NLGN1: variants seen among roughly 807,000 people sequenced by gnomAD.
NLGN1 encodes neuroligin-1.
Under a neutral mutation model 65.5 loss-of-function variants are expected in NLGN1, and 12 were observed. The ratio of observed to expected loss-of-function variants is 0.18; its 90% CI spans 0.12 to 0.30. NLGN1 has a LOEUF of 0.30. Among genes scored for constraint, NLGN1 ranks in the 10% least tolerant of loss-of-function variants. The probability of loss-of-function intolerance (pLI) is 1.00; values close to 1 mark genes in which losing one functional copy is unlikely to be tolerated. For synonymous variants in NLGN1, 350 were observed against 359.5 expected (o/e 0.97, Z 0.30); for missense variants, 750 against 1,007.1 (o/e 0.74, Z 3.46).
At chr3:173,519,323 C>T (rs965068504) in intron 2 of NLGN1, among the ~76,000 whole-genome samples, 1 of 152,202 alleles carries the variant, frequency 6.6e-6, no homozygotes. Context: ...CATTGGGACA[C>T]TGCCTAAGGG....
intron 4 of NLGN1, among the ~76,000 whole-genome samples, chr3:173,993,967 T>G (rs907720924): frequency 6.6e-6 from 1 of 152,000 alleles, no homozygotes; most frequent in Non-Finnish European, 1.5e-5. Flanking sequence ...GAACCCAATT[T>G]AAGGCAAATT....
chr3:173,709,194 A>G (rs534821497), intron 3 of NLGN1, among the ~76,000 whole-genome samples: 65 of 152,320 alleles, frequency 4.3e-4, no homozygotes, highest in Middle Eastern at 3.4e-3. Flanking sequence ...CGCTGTATCT[A>G]TCATGAGTCA....
At chr3:174,289,966 T>TATAC (rs1271822165), downstream of NLGN1, among the ~76,000 whole-genome samples, 1 of 109,320 alleles carries the variant, frequency 9.1e-6, no homozygotes. Flanking sequence ...TATATATATA[T>TATAC]ATGTATATAT....
chr3:173,818,953 C>G (rs139555565), intron 4 of NLGN1, among the ~76,000 whole-genome samples: 1 of 125,674 alleles, frequency 8.0e-6, no homozygotes, highest in Non-Finnish European at 1.6e-5. Flanking sequence ...TTTCCCATGA[C>G]CTGGTGTCAT....
intron 2 of NLGN1, among the ~76,000 whole-genome samples, chr3:173,560,621 T>C (rs913062292): frequency 6.6e-5 from 10 of 152,102 alleles, no homozygotes; most frequent in African/African-American, 2.4e-4. Context: ...GATTCTTGGG[T>C]ATATTCTAGC....
chr3:173,862,505 C>CAAAA (rs10601211), intron 4 of NLGN1, among the ~76,000 whole-genome samples: 231 of 41,676 alleles, frequency 5.5e-3, no homozygotes, highest in East Asian at 7.0e-3. Context: ...GACTCCGTCT[C>CAAAA]AAAAAAAAAA....
intron 4 of NLGN1, among the ~76,000 whole-genome samples, chr3:174,076,724 A>AGAGAGT (rs1491274049): frequency 1.0e-3 from 83 of 82,112 alleles, no homozygotes; most frequent in South Asian, 1.6e-3. Flanking sequence ...AGAGAGAGAG[A>AGAGAGT]GTGTGTGTGT....
intron 4 of NLGN1, among the ~76,000 whole-genome samples, chr3:173,992,501 T>G (rs9879238): frequency 0.014 from 2,115 of 152,268 alleles, 54 homozygotes; most frequent in African/African-American, 0.049. Context: ...TCTTAAATGA[T>G]TCAAGAATAA....
intron 4 of NLGN1, among the ~76,000 whole-genome samples, chr3:174,040,618 G>T (rs1015723166): frequency 8.5e-5 from 13 of 152,078 alleles, no homozygotes; most frequent in African/African-American, 2.9e-4. Flanking sequence ...AGAATAAAAA[G>T]AAACATTTGC....
At chr3:174,100,936 CCAT>C (rs1351289803) in intron 4 of NLGN1, among the ~76,000 whole-genome samples, 1 of 151,986 alleles carries the variant, frequency 6.6e-6, no homozygotes, top group Non-Finnish European at 1.5e-5. Context: ...CACTCCACAG[CCAT>C]CATACTTCTA....
At chr3:173,806,176 TTCCCCAACTCGAAAA>T (rs2150438216) in intron 3 of NLGN1, among the ~76,000 whole-genome samples, 1 of 152,302 alleles carries the variant, frequency 6.6e-6, no homozygotes, top group African/African-American at 2.4e-5. Context: ...AATGAGCCAT[TTCCCCAACTCGAAAA>T]TCTGGGCAAA....
intron 4 of NLGN1, among the ~76,000 whole-genome samples, chr3:173,988,051 C>T (rs1720321786): frequency 1.3e-5 from 2 of 151,934 alleles, no homozygotes; most frequent in Admixed American, 1.3e-4. Flanking sequence ...TTTCTATCAC[C>T]CAAAATAAAA....
intron 3 of NLGN1, chr3:173,685,653 A>G (rs1186803148): frequency 1.0e-6 from 1 of 985,196 alleles, no homozygotes; most frequent in African/African-American, 1.7e-5. Context: ...CTAAGTTGTT[A>G]GGGCGGAAAG....
At chr3:173,465,679 T>C (rs1041541487) in intron 2 of NLGN1, among the ~76,000 whole-genome samples, 29 of 152,076 alleles carry the variant, frequency 1.9e-4, no homozygotes, top group African/African-American at 6.8e-4. Context: ...AACAATAAGC[T>C]GAAAAAGATG....
intron 4 of NLGN1, among the ~76,000 whole-genome samples, chr3:173,993,665 T>C (rs1721616379): frequency 6.7e-6 from 1 of 150,330 alleles, no homozygotes; most frequent in Non-Finnish European, 1.5e-5. Context: ...GATAGATAGA[T>C]AGATAGATAG....
intron 4 of NLGN1, among the ~76,000 whole-genome samples, chr3:174,195,596 G>C (rs6774303): frequency 0.21 from 31,307 of 152,038 alleles, 3,641 homozygotes; most frequent in African/African-American, 0.31. Flanking sequence ...TCTCTCTAGG[G>C]GCCAAATTCA....
chr3:173,460,996 ATC>A (rs1723281665), intron 2 of NLGN1, among the ~76,000 whole-genome samples: 1 of 152,170 alleles, frequency 6.6e-6, no homozygotes, highest in South Asian at 2.1e-4. Flanking sequence ...TCTGGATGGT[ATC>A]TCATACAAGG....
intron 4 of NLGN1, among the ~76,000 whole-genome samples, chr3:174,240,171 C>A (rs1742519290): frequency 6.6e-6 from 1 of 151,840 alleles, no homozygotes; most frequent in Non-Finnish European, 1.5e-5. Flanking sequence ...AAAATTGATG[C>A]TAATAAAGAG....
At chr3:174,203,760 A>G (rs553222378) in intron 4 of NLGN1, among the ~76,000 whole-genome samples, 31 of 152,314 alleles carry the variant, frequency 2.0e-4, no homozygotes, top group South Asian at 1.2e-3. Flanking sequence ...TATTTTTCAT[A>G]AGGTATATTT....
Sources: gnomAD v4.1 joint callset for allele counts (sites outside exome capture counted in the v4.1 genomes callset) on GRCh38, gnomAD v4.1.1 for gene constraint, MANE v1.5 for transcripts, NCBI Gene and HGNC (gene_info 2026-07-23, HGNC 2026-07-21) for gene names.